Variants in CDH11 observed in about 807,000 individuals in gnomAD.
The protein encoded by CDH11 is cadherin 11, also known as cadherin-11.
A neutral mutation model predicts 67.8 loss-of-function variants in CDH11; 11 were observed. The observed-to-expected ratio is 0.16, with a 90% CI of 0.10 to 0.27. CDH11 has a LOEUF of 0.27. CDH11 is among the 10% of genes least tolerant of loss of function. CDH11 has a pLI of 1.00. For missense variants in CDH11, 847 were observed against 1,031.2 expected, an observed-to-expected ratio of 0.82 and a Z score of 2.45; for synonymous variants, 419 against 400.0, an observed-to-expected ratio of 1.05 and a Z score of -0.57.
In CDH11 at chr16:65,108,235, C is replaced by T. The variant is rs143948297; in HGVS notation, c.-298+13645G>A. ...TTCAAAGATGTGACTTCTCAGGCTG[C>T]GTTAGTCTCCTGATTAATGCTCCCA... On this transcript the variant is annotated intron_variant, in intron 1 of 12. Coordinates refer to ENST00000268603, the MANE Select transcript of CDH11 (RefSeq NM_001797.4). Among the ~76,000 whole-genome samples, 684 of 152,210 alleles carry T rather than the reference C, an allele frequency of 4.5e-3. 15 individuals carry two copies. Among genetic ancestry groups the T allele is most frequent in the East Asian group, 4.8e-3 (25 of 5,162 alleles).
chr16:64,991,447 A>G, intron 6 of CDH11: 1 of 264,036 alleles, frequency 3.8e-6, no homozygotes, highest in East Asian at 6.4e-5. Flanking sequence ...GTTAGAAATG[A>G]GGACACTGAG....
At chr16:65,005,114 T>A in intron 2 of CDH11, 73 bp from the exon 3 acceptor site, 1 of 1,282,892 alleles carries the variant, frequency 7.8e-7, no homozygotes, top group Non-Finnish European at 1.0e-6. Context: ...CAGTAAGCCT[T>A]CAGGACTGGG....
chr16:65,003,410 C>T (rs1334172348), intron 3 of CDH11, among the ~76,000 whole-genome samples: 1 of 151,994 alleles, frequency 6.6e-6, no homozygotes, highest in Non-Finnish European at 1.5e-5. Flanking sequence ...GCACTCACCA[C>T]CACGCCTGGC....
At chr16:64,987,901 C>T in intron 7 of CDH11, 1 of 348,844 alleles carries the variant, frequency 2.9e-6, no homozygotes, top group Non-Finnish European at 5.2e-6. Context: ...ACTGTGCTTC[C>T]CTCCATCGGA....
At chr16:64,998,010 C>A (rs892408643) in intron 4 of CDH11, among the ~76,000 whole-genome samples, 2 of 152,188 alleles carry the variant, frequency 1.3e-5, no homozygotes, top group Non-Finnish European at 2.9e-5. Flanking sequence ...GTGGCTAATT[C>A]TTTGAATAAA....
chr16:64,976,967 A>T (rs2072190691), intron 8 of CDH11, among the ~76,000 whole-genome samples: 1 of 152,148 alleles, frequency 6.6e-6, no homozygotes, highest in African/African-American at 2.4e-5. Context: ...CTGAGCCAGG[A>T]GGATCACTTA....
intron 1 of CDH11, 63 bp from the exon 2 acceptor site, chr16:65,053,991 T>C (rs1039463297): frequency 2.2e-6 from 1 of 444,960 alleles, no homozygotes; most frequent in Non-Finnish European, 4.6e-6. Flanking sequence ...AGTGATACAG[T>C]ATTAAACACA....
intron 1 of CDH11, among the ~76,000 whole-genome samples, chr16:65,101,369 T>G (rs1418528633): frequency 6.6e-6 from 1 of 152,130 alleles, no homozygotes; most frequent in African/African-American, 2.4e-5. Flanking sequence ...CTAGTCAAAC[T>G]CCCTTTCCTC....
chr16:65,047,474 C>A (rs1232550307), intron 2 of CDH11, among the ~76,000 whole-genome samples: 2 of 151,970 alleles, frequency 1.3e-5, no homozygotes, highest in East Asian at 3.9e-4. Context: ...GCCTCAGCCT[C>A]CCGAGCAGCT....
intron 2 of CDH11, among the ~76,000 whole-genome samples, chr16:65,045,755 C>T (rs2073952529): frequency 2.0e-5 from 3 of 152,034 alleles, no homozygotes; most frequent in African/African-American, 2.4e-5. Context: ...TAATGAATGG[C>T]CAAGAAGTAA....
At chr16:65,006,673 T>C (rs768269778) in intron 2 of CDH11, among the ~76,000 whole-genome samples, 4 of 152,132 alleles carry the variant, frequency 2.6e-5, no homozygotes, top group African/African-American at 9.7e-5. Flanking sequence ...AAACCACTGA[T>C]GGTTACTGAA....
chr16:64,993,853 T>A (rs1389535824), intron 4 of CDH11, among the ~76,000 whole-genome samples: 1 of 152,142 alleles, frequency 6.6e-6, no homozygotes, highest in East Asian at 1.9e-4. Flanking sequence ...ATTATCGAAT[T>A]TCTCTGTGCC....
chr16:65,057,532 T>A (rs2074164877), intron 1 of CDH11, among the ~76,000 whole-genome samples: 1 of 152,174 alleles, frequency 6.6e-6, no homozygotes, highest in Non-Finnish European at 1.5e-5. Context: ...ACATACTCAG[T>A]AAGCATACCA....
intron 1 of CDH11, among the ~76,000 whole-genome samples, chr16:65,076,322 T>C (rs1287149773): frequency 6.6e-6 from 1 of 152,134 alleles, no homozygotes; most frequent in Non-Finnish European, 1.5e-5. Flanking sequence ...TCTTTTCTTT[T>C]ACAGGGTGAT....
At chr16:65,072,092 T>G (rs1001335235) in intron 1 of CDH11, 2 of 152,392 alleles carry the variant, frequency 1.3e-5, no homozygotes, top group African/African-American at 4.8e-5. Context: ...GCCGAGGGAC[T>G]TCCTTGACAG....
rs543179035 is a variant in CDH11 at position 64,958,925 on chromosome 16, C to G, written c.1643-7907G>C. Reference sequence around the variant, plus strand: ...GCATTTCCAGACACAGACATACACACGCAAACATACACCCTTCACAAACAA... The same window carrying G: ...GCATTTCCAGACACAGACATACACAGGCAAACATACACCCTTCACAAACAA... On this transcript the variant is annotated intron_variant, in intron 11 of 12. Coordinates refer to ENST00000268603, the MANE Select transcript of CDH11 (RefSeq NM_001797.4). Among the ~76,000 whole-genome samples the G allele has an allele frequency of 2.0e-4, 30 of 152,242 alleles. 2 individuals carry two copies. In the South Asian group the frequency reaches 3.7e-3, roughly 19 times the overall value.
intron 1 of CDH11, among the ~76,000 whole-genome samples, chr16:65,073,010 T>G (rs2074444391): frequency 6.6e-6 from 1 of 152,242 alleles, no homozygotes; most frequent in African/African-American, 2.4e-5. Flanking sequence ...ATTAGTGTGA[T>G]CTATGTTGGC....
chr16:65,108,603 C>T (rs2075104930), intron 1 of CDH11, among the ~76,000 whole-genome samples: 1 of 151,966 alleles, frequency 6.6e-6, no homozygotes, highest in Non-Finnish European at 1.5e-5. Context: ...GAATTGTTTG[C>T]ATAAATGAAG....
chr16:65,039,691 A>G (rs2073826675), intron 2 of CDH11, among the ~76,000 whole-genome samples: 1 of 152,212 alleles, frequency 6.6e-6, no homozygotes, highest in Admixed American at 6.5e-5. Context: ...AATGGCAACA[A>G]AAGCCAAAAT....
Sources: gnomAD v4.1 joint callset for allele counts (sites outside exome capture counted in the v4.1 genomes callset) on GRCh38, gnomAD v4.1.1 for gene constraint, MANE v1.5 for transcripts, NCBI Gene and HGNC (gene_info 2026-07-23, HGNC 2026-07-21) for gene names.